CALU: variants seen among roughly 807,000 people sequenced by gnomAD.
CALU encodes the protein IEF SSP 9302.
A neutral mutation model predicts 37.5 loss-of-function variants in CALU; 13 were observed. The observed-to-expected ratio is 0.35, with a 90% confidence interval of 0.23 to 0.55. The LOEUF is 0.55. CALU is among the 20% of genes least tolerant of loss of function. CALU has a pLI of 0.89. For missense variants in CALU, 282 were observed against 391.7 expected (o/e 0.72, Z 2.36); for synonymous variants, 114 against 133.8 (o/e 0.85, Z 1.02).
At chr7:128,741,326 A>G (rs1265918530) in intron 1 of CALU, among the ~76,000 whole-genome samples, 1 of 152,248 alleles carries the variant, frequency 6.6e-6, no homozygotes, top group African/African-American at 2.4e-5. Flanking sequence ...AGTACCGCCC[A>G]ATTAATTCAG....
chr7:128,754,556 T>C (rs1183517605), intron 3 of CALU, 101 bp downstream of exon 3: 5 of 1,555,682 alleles, frequency 3.2e-6, no homozygotes, highest in Non-Finnish European at 4.4e-6. Context: ...TAGACGCGGA[T>C]AAAGATGGGT....
intron 5 of CALU, among the ~76,000 whole-genome samples, chr7:128,762,492 A>C (rs1468107846): frequency 2.0e-5 from 3 of 151,068 alleles, no homozygotes; most frequent in Non-Finnish European, 2.9e-5. Context: ...CTGTTGAAGG[A>C]GATCATGAAG....
At position 128,759,867 on chromosome 7, in the gene CALU, T is replaced by C. The variant is rs761966062; in HGVS notation, c.643+15T>C. The C allele has an allele frequency of 1.3e-5, 17 of 1,271,682 alleles. No homozygotes were observed. Among genetic ancestry groups the C allele is most frequent in the Non-Finnish European group, 1.7e-5 (15 of 869,604 alleles). 78.8% of individuals were successfully genotyped at this position (1,271,682 alleles called of 1,614,324 possible). On this transcript the variant is annotated intron_variant, in intron 5 of 6. Transcript: ENST00000249364. ...AGAGTATATTGGTAAGTCTCTGCTT[T>C]TAGTGTTTTTCTTAGAAAAGCTGAG...
chr7:128,754,394 C>T lies in CALU; in HGVS notation c.354C>T (p.Leu118=). 6.2e-7 allele frequency: 1 copy of T among 1,614,116 alleles called. No individual in the cohort carries two copies. The change falls in exon 3 of 7, where the codon CTC becomes CTT. Residue 118 remains leucine, a synonymous_variant. Transcript: ENST00000249364. ...DVERQWKGHD[L]NEDGLVSWEE... is the part of the protein sequence containing the mutation. ...AGCGACAGTGGAAGGGGCATGACCT[C>T]AATGAGGACGGCCTCGTTTCCTGGG... is the stretch of plus-strand genomic sequence containing the variant.
In CALU at chr7:128,769,395, T is replaced by A. The variant is rs537258411; in HGVS notation, c.*228T>A. The stretch of plus-strand genomic sequence containing the variant: ...TACACTTGTGTTTGTAGATTTACAC[T>A]TTGTATTATGTATTAACATGGCGTG... On this transcript the variant is annotated 3_prime_UTR_variant, in exon 7 of 7. Transcript: ENST00000249364. 2.4e-5 allele frequency: 9 copies of A among 371,982 alleles called. No homozygotes were observed. The East Asian group carries it at 4.1e-4, about 17-fold the overall frequency. The allele number at this position is 371,982 out of a possible 1,614,324, so 23.0% of individuals were successfully genotyped here.
At chr7:128,752,521 G>C (rs1187971857) in intron 2 of CALU, among the ~76,000 whole-genome samples, 3 of 152,100 alleles carry the variant, frequency 2.0e-5, no homozygotes, top group African/African-American at 7.2e-5. Flanking sequence ...ACTATTGGTA[G>C]CCAGTACCAT....
intron 1 of CALU, among the ~76,000 whole-genome samples, chr7:128,747,294 T>TA (rs1435622443): frequency 1.3e-5 from 2 of 152,194 alleles, no homozygotes; most frequent in African/African-American, 2.4e-5. Context: ...GAGTAATAAG[T>TA]ACCATCTTCT....
intron 1 of CALU, among the ~76,000 whole-genome samples, chr7:128,745,740 A>G (rs1290779492): frequency 1.3e-5 from 2 of 152,232 alleles, no homozygotes; most frequent in African/African-American, 4.8e-5. Flanking sequence ...TTGATTGATC[A>G]GTTGAATTAT....
At chr7:128,768,420 G>A (rs908170963) in intron 6 of CALU, among the ~76,000 whole-genome samples, 1 of 152,144 alleles carries the variant, frequency 6.6e-6, no homozygotes, top group African/African-American at 2.4e-5. Flanking sequence ...TCCCTATCTA[G>A]GAGATGTTCC....
At position 128,768,847 on chromosome 7, in the gene CALU, C is replaced by CAAAAAAAAAAAAAAAAAAAAAAA. The variant is rs1012831963; in HGVS notation, c.844-195_844-194insAAAAAAAAAAAAAAAAAAAAAAA. Among the ~76,000 whole-genome samples, 82 of 55,168 alleles carry CAAAAAAAAAAAAAAAAAAAAAAA rather than the reference C, an allele frequency of 1.5e-3. 4 individuals carry two copies. The highest frequency in any genetic ancestry group is 2.9e-3 in the African/African-American group (34 of 11,562). The allele number at this position is 55,168 out of a possible 152,430, so 36.2% of individuals were successfully genotyped here. ...GGGCAACAAGAGCGAAACTCCGTCT[C>CAAAAAAAAAAAAAAAAAAAAAAA]AAAAAAAAAAAAAAAAAAAAACAAG... On this transcript the variant is annotated intron_variant, in intron 6 of 6. Transcript: ENST00000249364.
intron 6 of CALU, among the ~76,000 whole-genome samples, chr7:128,768,531 TTTC>T (rs1801417412): frequency 6.6e-6 from 1 of 152,320 alleles, no homozygotes; most frequent in East Asian, 1.9e-4. Context: ...CACTTTTAAC[TTTC>T]TTGATAAAAG....
At chr7:128,765,493 G>A (rs1373723581) in intron 5 of CALU, among the ~76,000 whole-genome samples, 1 of 152,204 alleles carries the variant, frequency 6.6e-6, no homozygotes, top group East Asian at 1.9e-4. Flanking sequence ...TTCCTCAACA[G>A]AATTATATTC....
intron 3 of CALU, among the ~76,000 whole-genome samples, chr7:128,758,048 CA>C (rs1269204242): frequency 6.6e-6 from 1 of 151,784 alleles, no homozygotes. Flanking sequence ...TGAGCATATC[CA>C]TTACCCCCCC....
intron 1 of CALU, among the ~76,000 whole-genome samples, chr7:128,744,613 C>T (rs986404669): frequency 6.6e-6 from 1 of 151,858 alleles, no homozygotes; most frequent in African/African-American, 2.4e-5. Flanking sequence ...CCTTGATGAC[C>T]GTTGTAGGCA....
chr7:128,740,950 C>G (rs1004675195), intron 1 of CALU, among the ~76,000 whole-genome samples: 3 of 152,108 alleles, frequency 2.0e-5, no homozygotes, highest in South Asian at 2.1e-4. Context: ...CCAGGTGGAG[C>G]CTTGAACTCC....
At position 128,771,937 on chromosome 7, in the gene CALU, G is replaced by C. The variant is rs1801583319; in HGVS notation, c.*2770G>C. The stretch of plus-strand genomic sequence containing the variant: ...TATAAAGGTTTAGCCAAATGCAACG[G>C]GGAGGAAGCACCTGGAATAATTTGT... On this transcript the variant is annotated 3_prime_UTR_variant, in exon 7 of 7. Coordinates refer to ENST00000249364, the MANE Select transcript of CALU (RefSeq NM_001219.5). 6.5e-6 allele frequency: 1 copy of C among 153,780 alleles called. No homozygotes were observed. The highest frequency in any genetic ancestry group is 1.9e-4 in the East Asian group (1 of 5,210). The allele number at this position is 153,780 out of a possible 1,614,324, so 9.5% of individuals were successfully genotyped here.
Position 128,772,546 on chromosome 7 carries a change from G to T in CALU, c.*3379G>T. On this transcript the variant is annotated 3_prime_UTR_variant, in exon 7 of 7. Transcript: ENST00000249364. ...ACAGGCCAATATTGGGTCCTCAGTT[G>T]GGGCCAACTTGGGTAGACGAGACAG... The T allele has an allele frequency of 6.2e-7, 1 of 1,614,146 alleles. No homozygotes were observed. Among genetic ancestry groups the T allele is most frequent in the Non-Finnish European group, 8.5e-7 (1 of 1,179,998 alleles).
chr7:128,764,775 C>G (rs1801262515), intron 5 of CALU, among the ~76,000 whole-genome samples: 1 of 151,372 alleles, frequency 6.6e-6, no homozygotes, highest in African/African-American at 2.4e-5. Flanking sequence ...ATGTGACCAT[C>G]ACTTAATTGC....
intron 3 of CALU, 135 bp from the exon 4 acceptor site, chr7:128,758,736 C>G: frequency 1.6e-6 from 1 of 642,760 alleles, no homozygotes; most frequent in Non-Finnish European, 2.7e-6. Flanking sequence ...CTTTGTACTG[C>G]TGCAGTTTTA....
Sources: gnomAD v4.1 joint callset for allele counts (sites outside exome capture counted in the v4.1 genomes callset) on GRCh38, gnomAD v4.1.1 for gene constraint, MANE v1.5 for transcripts, NCBI Gene and HGNC (gene_info 2026-07-23, HGNC 2026-07-21) for gene names.